RNF130: variants seen among roughly 807,000 people sequenced by gnomAD.
The protein encoded by RNF130 is E3 ubiquitin-protein ligase RNF130.
A neutral mutation model predicts 44.6 loss-of-function variants in RNF130; 21 were observed. The ratio of observed to expected loss-of-function variants is 0.47; its 90% CI spans 0.33 to 0.68. The LOEUF is 0.68. Ranked by LOEUF, RNF130 falls within the 30% of genes least tolerant of loss-of-function variation. The pLI, the probability that RNF130 is intolerant of heterozygous loss-of-function variation, is 0.02. For synonymous variants in RNF130, 214 were observed against 210.4 expected (o/e 1.02, Z -0.15); for missense variants, 479 against 560.6 (o/e 0.85, Z 1.47).
chr5:180,007,857 C>T (rs968005273), intron 3 of RNF130, among the ~76,000 whole-genome samples: 10 of 152,206 alleles, frequency 6.6e-5, no homozygotes, highest in Non-Finnish European at 1.3e-4. Context: ...TTTGTTCCAA[C>T]GTCCTCAGGG....
At chr5:179,914,281 T>C (rs1328582438) in exon 8 of RNF130, 3 of 152,302 alleles carry the variant, frequency 2.0e-5, no homozygotes, top group African/African-American at 7.2e-5. Context: ...CTTACTCATC[T>C]TCCCACACTC....
intron 1 of RNF130, among the ~76,000 whole-genome samples, chr5:180,049,906 T>G (rs1014019817): frequency 2.0e-5 from 3 of 152,222 alleles, no homozygotes; most frequent in Non-Finnish European, 2.9e-5. Context: ...ATTTTTTTAG[T>G]GCCTACCCTT....
intron 1 of RNF130, among the ~76,000 whole-genome samples, chr5:180,066,766 G>A (rs1765117285): frequency 6.6e-6 from 1 of 152,128 alleles, no homozygotes; most frequent in Admixed American, 6.5e-5. Flanking sequence ...CCGGGAGGTG[G>A]AGGTTGCGGT....
chr5:180,014,842 T>C (rs6876648), intron 2 of RNF130, among the ~76,000 whole-genome samples: 132,904 of 152,168 alleles, frequency 0.87, 58,214 homozygotes, highest in African/African-American at 0.94. Context: ...GAACATTAGC[T>C]AGGCATGGTG....
chr5:179,986,286 T>C (rs2113724397), intron 3 of RNF130, among the ~76,000 whole-genome samples: 1 of 152,338 alleles, frequency 6.6e-6, no homozygotes, highest in Non-Finnish European at 1.5e-5. Context: ...TCATTCTTTG[T>C]GAAATGGCAG....
chr5:179,997,953 T>TG (rs749500485), intron 3 of RNF130, among the ~76,000 whole-genome samples: 21 of 152,122 alleles, frequency 1.4e-4, no homozygotes, highest in South Asian at 4.1e-4. Flanking sequence ...GCAATTCTCC[T>TG]GCCTCAGCCT....
chr5:180,046,238 C>T (rs943040415), intron 1 of RNF130, among the ~76,000 whole-genome samples: 2 of 152,176 alleles, frequency 1.3e-5, no homozygotes, highest in African/African-American at 2.4e-5. Flanking sequence ...AAGCTCACAC[C>T]CACGCAGAAC....
At chr5:179,998,885 G>A (rs868103713) in intron 3 of RNF130, among the ~76,000 whole-genome samples, 3,626 of 76,072 alleles carry the variant, frequency 0.048, 282 homozygotes, top group African/African-American at 0.069. Context: ...ATATATATAT[G>A]TTTTATATAT....
intron 7 of RNF130, among the ~76,000 whole-genome samples, chr5:179,920,899 A>T (rs1253258868): frequency 6.6e-6 from 1 of 151,254 alleles, no homozygotes; most frequent in Non-Finnish European, 1.5e-5. Context: ...ATCCTTCCGA[A>T]TTTTTTTCAG....
chr5:180,037,192 T>C (rs975306105), intron 2 of RNF130, among the ~76,000 whole-genome samples: 5 of 152,248 alleles, frequency 3.3e-5, no homozygotes, highest in Non-Finnish European at 7.3e-5. Flanking sequence ...AATAATCTGC[T>C]GTTACAATGC....
chr5:179,941,786 C>A (rs1322399751), intron 7 of RNF130, among the ~76,000 whole-genome samples: 1 of 152,066 alleles, frequency 6.6e-6, no homozygotes, highest in Non-Finnish European at 1.5e-5. Flanking sequence ...GATGGTTGCA[C>A]CACAACAAGC....
intron 7 of RNF130, among the ~76,000 whole-genome samples, chr5:179,943,543 A>G (rs1761993316): frequency 6.6e-6 from 1 of 152,244 alleles, no homozygotes; most frequent in Non-Finnish European, 1.5e-5. Context: ...ACTAGAAGAA[A>G]AAGGGGATAA....
intron 2 of RNF130, among the ~76,000 whole-genome samples, chr5:180,016,532 G>C (rs994878983): frequency 2.0e-5 from 3 of 152,182 alleles, no homozygotes; most frequent in Non-Finnish European, 2.9e-5. Flanking sequence ...ACGCTCCCAC[G>C]CACTTCCACG....
chr5:180,017,738 T>C (rs910791917), intron 2 of RNF130, among the ~76,000 whole-genome samples: 7 of 152,360 alleles, frequency 4.6e-5, no homozygotes, highest in African/African-American at 1.7e-4. Context: ...AATACTGCTA[T>C]AATCCTGACT....
chr5:179,926,680 T>G (rs1761711609), intron 7 of RNF130, among the ~76,000 whole-genome samples: 1 of 151,968 alleles, frequency 6.6e-6, no homozygotes. Context: ...AATAAAAATC[T>G]CAGAGTTGTG....
chr5:180,068,747 A>G (rs187618574), intron 1 of RNF130, among the ~76,000 whole-genome samples: 9 of 152,332 alleles, frequency 5.9e-5, no homozygotes, highest in Admixed American at 2.6e-4. Context: ...GGAAAACTAT[A>G]AAGTTCTTTT....
intron 2 of RNF130, among the ~76,000 whole-genome samples, chr5:180,039,396 C>T (rs1359313782): frequency 6.6e-6 from 1 of 152,078 alleles, no homozygotes; most frequent in Non-Finnish European, 1.5e-5. Flanking sequence ...TCCACCGTGC[C>T]CAGCTAATTT....
chr5:179,969,132 C>T (rs1243331081), intron 6 of RNF130, among the ~76,000 whole-genome samples: 3 of 152,156 alleles, frequency 2.0e-5, no homozygotes, highest in Non-Finnish European at 4.4e-5. Flanking sequence ...TTCTTTCATT[C>T]TTTTTTGAGA....
At chr5:180,022,546 C>A (rs1265314800) in intron 2 of RNF130, among the ~76,000 whole-genome samples, 1 of 152,190 alleles carries the variant, frequency 6.6e-6, no homozygotes, top group African/African-American at 2.4e-5. Flanking sequence ...CATCTCCTTA[C>A]ATCTGATTAT....
Sources: gnomAD v4.1 joint callset for allele counts (sites outside exome capture counted in the v4.1 genomes callset) on GRCh38, gnomAD v4.1.1 for gene constraint, MANE v1.5 for transcripts, NCBI Gene and HGNC (gene_info 2026-07-23, HGNC 2026-07-21) for gene names.